The following DPP6 variants were observed in gnomAD, a reference collection of about 807,000 sequenced individuals.
DPP6 encodes dipeptidyl peptidase like 6.
Under a neutral mutation model 122.6 loss-of-function variants are expected in DPP6, and 69 were observed. That is an observed-to-expected ratio of 0.56 (90% CI 0.46 to 0.69). The LOEUF (loss-of-function observed/expected upper bound fraction) is 0.69, where lower values mean the gene tolerates loss of function less well. Ranked by LOEUF, DPP6 falls within the 30% of genes least tolerant of loss-of-function variation. The pLI is 0.00. For missense variants in DPP6, 928 were observed against 1,116.9 expected, an observed-to-expected ratio of 0.83 and a Z score of 2.41; for synonymous variants, 418 against 433.1, an observed-to-expected ratio of 0.97 and a Z score of 0.43.
intron 1 of DPP6, among the ~76,000 whole-genome samples, chr7:154,116,226 A>G (rs963549819): frequency 1.3e-5 from 2 of 152,236 alleles, no homozygotes; most frequent in Non-Finnish European, 2.9e-5. Flanking sequence ...AAAATTTCAT[A>G]AAGAGTGGTT....
At chr7:154,242,234 C>T (rs760124633) in intron 1 of DPP6, among the ~76,000 whole-genome samples, 23 of 152,132 alleles carry the variant, frequency 1.5e-4, no homozygotes, top group African/African-American at 5.6e-4. Flanking sequence ...CACCCTGGAG[C>T]AGGTCTGTTG....
At position 154,681,208 on chromosome 7, in the gene DPP6, C is replaced by T. The variant is rs978854400; in HGVS notation, c.762+11767C>T. Among the ~76,000 whole-genome samples, 6 of 152,094 alleles carry T rather than the reference C, an allele frequency of 3.9e-5. No homozygotes were observed. The South Asian group carries it at 6.2e-4, about 16-fold the overall frequency. On this transcript the variant is annotated intron_variant, in intron 7 of 25. Coordinates refer to ENST00000377770, the MANE Select transcript of DPP6 (RefSeq NM_130797.4). ...GCCTGACCTGCTTGCCCACGTTGGC[C>T]GGTGAAGATAAACCCTATTTTCTTC... is the stretch of plus-strand genomic sequence containing the variant.
At chr7:154,717,442 A>G in intron 7 of DPP6, among the ~76,000 whole-genome samples, 1 of 151,538 alleles carries the variant, frequency 6.6e-6, no homozygotes, top group East Asian at 1.9e-4. Flanking sequence ...TCTACTCTCT[A>G]CTTCTATGAG....
intron 7 of DPP6, among the ~76,000 whole-genome samples, chr7:154,706,071 T>A (rs1840812718): frequency 1.3e-5 from 2 of 152,302 alleles, no homozygotes; most frequent in Middle Eastern, 6.8e-3. Flanking sequence ...TTGTTTGGAA[T>A]GTCCTGGAAC....
intron 1 of DPP6, among the ~76,000 whole-genome samples, chr7:153,910,234 C>CTTTTTTCTTTTTTCTTTTTTTTT (rs750065238): frequency 2.9e-5 from 4 of 137,752 alleles, no homozygotes; most frequent in African/African-American, 1.1e-4. Flanking sequence ...TTCTTTCTTT[C>CTTTTTTCTTTTTTCTTTTTTTTT]TTTTTTTTTT....
the DPP6 span, among the ~76,000 whole-genome samples, chr7:153,806,355 T>A: frequency 6.6e-6 from 1 of 151,956 alleles, no homozygotes; most frequent in Admixed American, 6.5e-5. Flanking sequence ...CACTTTATAC[T>A]CCTGTAATTA....
intron 1 of DPP6, among the ~76,000 whole-genome samples, chr7:154,360,080 G>A (rs1034269541): frequency 1.3e-5 from 2 of 152,196 alleles, no homozygotes; most frequent in African/African-American, 4.8e-5. Context: ...ATTTTACTAT[G>A]CCAGTAGTGA....
rs116918958 is a variant in DPP6 at position 154,798,853 on chromosome 7, G to A, written c.1300-2502G>A. Among the ~76,000 whole-genome samples, 826 of 152,246 alleles carry A rather than the reference G, an allele frequency of 5.4e-3. 5 individuals carry two copies. Among genetic ancestry groups the A allele is most frequent in the South Asian group, 0.014 (66 of 4,810 alleles). ...AATCTGTAGTGTTTCTGCATCCCTC[G>A]AGTTACTGTGATATCCTGGAGAACA... is the stretch of plus-strand genomic sequence containing the variant. On this transcript the variant is annotated intron_variant, in intron 12 of 25. Coordinates refer to ENST00000377770, the MANE Select transcript of DPP6 (RefSeq NM_130797.4).
At chr7:154,547,440 C>T (rs1829286894) in intron 4 of DPP6, among the ~76,000 whole-genome samples, 2 of 152,198 alleles carry the variant, frequency 1.3e-5, no homozygotes, top group Admixed American at 1.3e-4. Flanking sequence ...TCCTCATTTG[C>T]TCACAGAGAG....
chr7:154,440,215 C>T (rs555499700), intron 1 of DPP6, among the ~76,000 whole-genome samples: 28 of 152,320 alleles, frequency 1.8e-4, no homozygotes, highest in African/African-American at 6.5e-4. Context: ...ATCCCATTCC[C>T]GCATTGGTTG....
intron 7 of DPP6, among the ~76,000 whole-genome samples, chr7:154,683,324 AAACT>A (rs1316298870): frequency 2.0e-5 from 3 of 152,130 alleles, no homozygotes; most frequent in Non-Finnish European, 2.9e-5. Context: ...TCATAAATCT[AAACT>A]CACTATTGTT....
At chr7:154,310,148 C>A (rs1409319655) in intron 1 of DPP6, among the ~76,000 whole-genome samples, 2 of 152,166 alleles carry the variant, frequency 1.3e-5, no homozygotes. Context: ...ACCAGAGCTC[C>A]CTACTGGGAA....
At chr7:153,951,051 G>A (rs1447001704) in intron 1 of DPP6, among the ~76,000 whole-genome samples, 1 of 152,146 alleles carries the variant, frequency 6.6e-6, no homozygotes. Context: ...AGCAACAGAA[G>A]GGAATGCAGT....
At chr7:154,469,722 G>A (rs1822098191) in intron 2 of DPP6, among the ~76,000 whole-genome samples, 1 of 152,188 alleles carries the variant, frequency 6.6e-6, no homozygotes, top group African/African-American at 2.4e-5. Context: ...ACATAGCATG[G>A]ATTCTACCTC....
At chr7:153,923,893 A>C (rs1800766427) in intron 1 of DPP6, among the ~76,000 whole-genome samples, 1 of 152,136 alleles carries the variant, frequency 6.6e-6, no homozygotes, top group Non-Finnish European at 1.5e-5. Flanking sequence ...TTTAAATATC[A>C]AGTATGGGAT....
intron 2 of DPP6, among the ~76,000 whole-genome samples, chr7:154,468,316 G>A (rs1821967814): frequency 6.6e-6 from 1 of 152,210 alleles, no homozygotes; most frequent in Non-Finnish European, 1.5e-5. Flanking sequence ...GAGAGATGTG[G>A]GAGAATAGAG....
At chr7:153,789,218 A>T in the DPP6 span, among the ~76,000 whole-genome samples, 115 of 152,302 alleles carry the variant, frequency 7.6e-4, 1 homozygote, top group African/African-American at 2.6e-3. Flanking sequence ...TGTAAATGTT[A>T]TAACATAAAA....
chr7:153,868,977 A>T, the DPP6 span, among the ~76,000 whole-genome samples: 2 of 152,190 alleles, frequency 1.3e-5, no homozygotes, highest in Admixed American at 6.5e-5. Context: ...TGAGTTTCTT[A>T]ATCCTGAGTT....
chr7:154,019,315 A>G (rs1276133724), intron 1 of DPP6, among the ~76,000 whole-genome samples: 1 of 151,484 alleles, frequency 6.6e-6, no homozygotes, highest in East Asian at 1.9e-4. Flanking sequence ...ACCTCTGTCA[A>G]ATATTTATCT....
Sources: gnomAD v4.1 joint callset for allele counts (sites outside exome capture counted in the v4.1 genomes callset) on GRCh38, gnomAD v4.1.1 for gene constraint, MANE v1.5 for transcripts, NCBI Gene and HGNC (gene_info 2026-07-23, HGNC 2026-07-21) for gene names.